The following SEPTIN14 variants were observed in gnomAD, a reference collection of about 807,000 sequenced individuals.
The protein encoded by SEPTIN14 is septin-14.
In SEPTIN14, 40 loss-of-function variants were observed where a neutral mutation model predicts 53.6. The ratio of observed to expected loss-of-function variants is 0.75; its 90% CI spans 0.58 to 0.97. The LOEUF (loss-of-function observed/expected upper bound fraction) is 0.97. Ranked by LOEUF, SEPTIN14 falls within the 50% of genes least tolerant of loss-of-function variation. SEPTIN14 has a pLI of 0.00. For missense variants in SEPTIN14, 471 were observed against 508.2 expected (o/e 0.93, Z 0.70); for synonymous variants, 138 against 166.8 (o/e 0.83, Z 1.33).
chr7:55,796,725 G>C (rs1788437604), intron 9 of SEPTIN14, among the ~76,000 whole-genome samples: 1 of 151,996 alleles, frequency 6.6e-6, no homozygotes, highest in South Asian at 2.1e-4. Flanking sequence ...GACCAGCCTG[G>C]GCAATGTAAC....
chr7:55,841,861 A>C (rs1414182481), intron 5 of SEPTIN14, among the ~76,000 whole-genome samples: 8 of 150,532 alleles, frequency 5.3e-5, no homozygotes, highest in Non-Finnish European at 1.2e-4. Context: ...GCCAAAAAAA[A>C]AAAAAAAAAA....
chr7:55,859,213 C>T (rs534181719), intron 2 of SEPTIN14, among the ~76,000 whole-genome samples: 1 of 150,094 alleles, frequency 6.7e-6, no homozygotes, highest in African/African-American at 2.4e-5. Context: ...ATGTTATCTT[C>T]TCAGAGTTTT....
At chr7:55,835,749 C>A (rs1012788348) in intron 5 of SEPTIN14, among the ~76,000 whole-genome samples, 1 of 151,686 alleles carries the variant, frequency 6.6e-6, no homozygotes, top group Non-Finnish European at 1.5e-5. Context: ...TTACCATATT[C>A]TTTCTTTTTT....
chr7:55,801,482 G>A (rs1043668904), intron 9 of SEPTIN14, among the ~76,000 whole-genome samples: 1 of 151,986 alleles, frequency 6.6e-6, no homozygotes, highest in Non-Finnish European at 1.5e-5. Context: ...ATAACCACAC[G>A]ATCTACGAAG....
At chr7:55,797,421 T>C (rs1337507976) in intron 9 of SEPTIN14, among the ~76,000 whole-genome samples, 1 of 152,190 alleles carries the variant, frequency 6.6e-6, no homozygotes, top group East Asian at 1.9e-4. Flanking sequence ...AAAAGTGGCA[T>C]GACATAGACA....
At chr7:55,817,626 T>A (rs1173002390) in intron 7 of SEPTIN14, among the ~76,000 whole-genome samples, 1 of 151,920 alleles carries the variant, frequency 6.6e-6, no homozygotes, top group African/African-American at 2.4e-5. Flanking sequence ...CCCGCCACCA[T>A]GCCTGGCTAA....
chr7:55,858,015 A>C (rs1180692883), intron 2 of SEPTIN14, among the ~76,000 whole-genome samples: 1 of 152,232 alleles, frequency 6.6e-6, no homozygotes, highest in Non-Finnish European at 1.5e-5. Context: ...CTCAAGTTAC[A>C]GAACTGGGAC....
chr7:55,814,902 G>A (rs1788766147), intron 7 of SEPTIN14, among the ~76,000 whole-genome samples: 1 of 152,082 alleles, frequency 6.6e-6, no homozygotes, highest in South Asian at 2.1e-4. Context: ...ATACTACAAA[G>A]CTATAGTAAG....
chr7:55,860,751 A>G (rs375269179), intron 2 of SEPTIN14, among the ~76,000 whole-genome samples: 1 of 152,298 alleles, frequency 6.6e-6, no homozygotes, highest in Non-Finnish European at 1.5e-5. Context: ...GAATAGGACT[A>G]GTGCTTTTAT....
At chr7:55,807,292 C>T (rs1207607356) in intron 7 of SEPTIN14, 34 bp from the exon 8 acceptor site, 3 of 1,377,434 alleles carry the variant, frequency 2.2e-6, no homozygotes, top group Non-Finnish European at 3.0e-6. Context: ...CAACAACATT[C>T]AGTATCAATC....
intron 6 of SEPTIN14, among the ~76,000 whole-genome samples, chr7:55,830,349 A>ATATATATTTTTTTT (rs71015108): frequency 1.8e-5 from 1 of 56,848 alleles, no homozygotes; most frequent in African/African-American, 1.0e-4. Flanking sequence ...ATATATATAT[A>ATATATATTTTTTTT]TTTTTTTTTT....
At chr7:55,801,062 G>A (rs929140359) in intron 9 of SEPTIN14, among the ~76,000 whole-genome samples, 1 of 152,076 alleles carries the variant, frequency 6.6e-6, no homozygotes, top group Admixed American at 6.6e-5. Flanking sequence ...AGCAAAAGCA[G>A]TTTAAGAGTG....
At chr7:55,832,986 G>A (rs998788555) in intron 6 of SEPTIN14, among the ~76,000 whole-genome samples, 2 of 151,972 alleles carry the variant, frequency 1.3e-5, no homozygotes, top group Admixed American at 1.3e-4. Flanking sequence ...AAAAAACAAA[G>A]GAATTCTATA....
intron 6 of SEPTIN14, among the ~76,000 whole-genome samples, chr7:55,829,493 GT>G (rs1789054455): frequency 1.3e-5 from 2 of 151,964 alleles, no homozygotes; most frequent in Non-Finnish European, 2.9e-5. Flanking sequence ...AGTGATAAAA[GT>G]GACATTACAA....
intron 9 of SEPTIN14, among the ~76,000 whole-genome samples, chr7:55,797,054 C>T (rs188586044): frequency 2.0e-3 from 296 of 151,668 alleles, no homozygotes; most frequent in African/African-American, 6.8e-3. Context: ...ACCCAGGAGG[C>T]GGAGGTTGCA....
chr7:55,836,653 G>A (rs939196890), intron 5 of SEPTIN14, among the ~76,000 whole-genome samples: 1 of 152,062 alleles, frequency 6.6e-6, no homozygotes, highest in Non-Finnish European at 1.5e-5. Context: ...CAGGAGAATC[G>A]CTTGAACCCA....
intron 7 of SEPTIN14, among the ~76,000 whole-genome samples, chr7:55,813,326 T>A (rs1326018798): frequency 6.6e-6 from 1 of 152,176 alleles, no homozygotes; most frequent in East Asian, 1.9e-4. Flanking sequence ...AAGTTCCAGC[T>A]ACCTCCACCA....
intron 2 of SEPTIN14, among the ~76,000 whole-genome samples, chr7:55,858,855 A>G (rs982174155): frequency 6.6e-6 from 1 of 152,126 alleles, no homozygotes; most frequent in African/African-American, 2.4e-5. Context: ...AGCAACATCA[A>G]ATCTCAAGCC....
intron 7 of SEPTIN14, among the ~76,000 whole-genome samples, chr7:55,810,423 T>C (rs1306588054): frequency 6.6e-6 from 1 of 151,984 alleles, no homozygotes; most frequent in Non-Finnish European, 1.5e-5. Flanking sequence ...AGGTTGTATC[T>C]TTATGCTATT....
Sources: gnomAD v4.1 joint callset for allele counts (sites outside exome capture counted in the v4.1 genomes callset) on GRCh38, gnomAD v4.1.1 for gene constraint, MANE v1.5 for transcripts, NCBI Gene and HGNC (gene_info 2026-07-23, HGNC 2026-07-21) for gene names.